MAGI2: variants seen among roughly 807,000 people sequenced by gnomAD.
MAGI2 encodes membrane associated guanylate kinase, WW and PDZ domain containing 2, also known as membrane-associated guanylate kinase, WW and PDZ domain-containing protein 2.
Under a neutral mutation model 133.3 loss-of-function variants are expected in MAGI2, and 35 were observed. That is an observed-to-expected ratio of 0.26 (90% CI 0.20 to 0.35). The LOEUF is 0.35. Among genes scored for constraint, MAGI2 ranks in the 10% least tolerant of loss-of-function variants. MAGI2 has a pLI of 1.00. For missense variants in MAGI2, 1,636 were observed against 1,863.4 expected (o/e 0.88, Z 2.25); for synonymous variants, 729 against 710.6 (o/e 1.03, Z -0.41).
At chr7:78,871,695 A>G (rs1010787047) in intron 2 of MAGI2, among the ~76,000 whole-genome samples, 8 of 152,162 alleles carry the variant, frequency 5.3e-5, no homozygotes, top group Admixed American at 5.2e-4. Flanking sequence ...TACCTAACTT[A>G]CGTAAGAGAG....
chr7:78,035,076 G>A (rs888760433), intron 21 of MAGI2: 2 of 152,582 alleles, frequency 1.3e-5, no homozygotes, highest in Non-Finnish European at 2.9e-5. Context: ...CAGGACTAAG[G>A]CGTCCACTGT....
intron 2 of MAGI2, among the ~76,000 whole-genome samples, chr7:78,977,735 A>C (rs1335180160): frequency 6.6e-6 from 1 of 151,754 alleles, no homozygotes; most frequent in Admixed American, 6.6e-5. Flanking sequence ...ACTGCTGAGG[A>C]TATAAAAATG....
chr7:78,573,302 T>TTTATATATATA (rs1801864449), intron 3 of MAGI2, among the ~76,000 whole-genome samples: 3 of 34,868 alleles, frequency 8.6e-5, no homozygotes, highest in African/African-American at 5.2e-4. Context: ...ATATATATAT[T>TTTATATATATA]TATATATATA....
intron 2 of MAGI2, among the ~76,000 whole-genome samples, chr7:79,003,681 C>T (rs1056978925): frequency 6.6e-6 from 1 of 152,190 alleles, no homozygotes; most frequent in Non-Finnish European, 1.5e-5. Context: ...CATGGACACA[C>T]TTCTACTGCA....
At chr7:78,638,210 A>G (rs1314096970) in intron 2 of MAGI2, among the ~76,000 whole-genome samples, 3 of 152,232 alleles carry the variant, frequency 2.0e-5, no homozygotes, top group Non-Finnish European at 4.4e-5. Context: ...TATATTTTCA[A>G]TTTTAAGGCT....
intron 2 of MAGI2, among the ~76,000 whole-genome samples, chr7:78,653,088 C>A (rs992149473): frequency 2.0e-5 from 3 of 152,112 alleles, no homozygotes; most frequent in Admixed American, 6.5e-5. Context: ...CAATGAGATA[C>A]CATCTCATGC....
chr7:78,928,892 G>C (rs1389515140), intron 2 of MAGI2, among the ~76,000 whole-genome samples: 2 of 152,008 alleles, frequency 1.3e-5, no homozygotes, highest in Non-Finnish European at 2.9e-5. Flanking sequence ...TTTTCCTCCT[G>C]TATTGAGGTC....
intron 9 of MAGI2, among the ~76,000 whole-genome samples, chr7:78,330,490 G>A (rs1479159957): frequency 1.1e-5 from 1 of 89,726 alleles, no homozygotes; most frequent in Non-Finnish European, 2.4e-5. Context: ...GGTGGCGGGC[G>A]CCTGTAGTCC....
At position 78,746,254 on chromosome 7, in the gene MAGI2, A is replaced by C. The variant is rs1316379957; in HGVS notation, c.419-119015T>G. Among the ~76,000 whole-genome samples, 3 of 152,340 alleles carry C rather than the reference A, an allele frequency of 2.0e-5. No homozygotes were observed. In the East Asian group the frequency reaches 5.8e-4, roughly 29 times the overall value. On this transcript the variant is annotated intron_variant, in intron 2 of 21. Transcript: ENST00000354212. ...TTTTGAAGAGCCAGCTCTCAGGCAG[A>C]AACTGAAATGATGAAGCTCAAAAGA...
intron 20 of MAGI2, among the ~76,000 whole-genome samples, chr7:78,119,557 C>CAAAAA (rs1166809821): frequency 1.2e-4 from 6 of 48,916 alleles, no homozygotes; most frequent in Non-Finnish European, 2.2e-4. Flanking sequence ...TGAGACTCCT[C>CAAAAA]AAAAAAAAAA....
At chr7:78,544,446 T>C (rs1479977303) in intron 3 of MAGI2, among the ~76,000 whole-genome samples, 1 of 152,206 alleles carries the variant, frequency 6.6e-6, no homozygotes, top group Non-Finnish European at 1.5e-5. Context: ...GTTTGTTACT[T>C]AATAGTTTGT....
intron 1 of MAGI2, among the ~76,000 whole-genome samples, chr7:79,235,203 C>A (rs1478402005): frequency 2.6e-5 from 4 of 152,158 alleles, no homozygotes; most frequent in Non-Finnish European, 4.4e-5. Flanking sequence ...TCAAAGCTGT[C>A]AGACAGGGAC....
intron 2 of MAGI2, among the ~76,000 whole-genome samples, chr7:78,695,161 G>A (rs1392017259): frequency 6.6e-6 from 1 of 151,814 alleles, no homozygotes; most frequent in Non-Finnish European, 1.5e-5. Flanking sequence ...GGAGGCAGAG[G>A]TTGCAGAGAG....
At chr7:79,216,633 T>G (rs1830055776) in intron 1 of MAGI2, among the ~76,000 whole-genome samples, 1 of 152,042 alleles carries the variant, frequency 6.6e-6, no homozygotes, top group Non-Finnish European at 1.5e-5. Context: ...CATAAAGGGT[T>G]TGAGCAGTGG....
At chr7:78,630,043 A>G (rs1254527424) in intron 2 of MAGI2, among the ~76,000 whole-genome samples, 1 of 152,030 alleles carries the variant, frequency 6.6e-6, no homozygotes, top group Admixed American at 6.6e-5. Context: ...AAGCAATTCT[A>G]TAAGACTTCT....
At chr7:79,123,864 G>A (rs12706007) in intron 1 of MAGI2, among the ~76,000 whole-genome samples, 96,577 of 149,398 alleles carry the variant, frequency 0.65, 36,126 homozygotes, top group Non-Finnish European at 0.84. Flanking sequence ...TCTATTTATT[G>A]AGCAGTCACT....
chr7:79,018,455 A>G (rs1808958520), intron 1 of MAGI2, among the ~76,000 whole-genome samples: 2 of 152,216 alleles, frequency 1.3e-5, no homozygotes, highest in South Asian at 4.1e-4. Flanking sequence ...ATTTAAGTAC[A>G]TAGACTAGTG....
intron 2 of MAGI2, among the ~76,000 whole-genome samples, chr7:78,735,655 T>C (rs1434470029): frequency 6.6e-6 from 1 of 152,202 alleles, no homozygotes; most frequent in Non-Finnish European, 1.5e-5. Context: ...CTTTGTGTGT[T>C]AGGTGAACTT....
chr7:79,107,143 G>T (rs1158744873), intron 1 of MAGI2, among the ~76,000 whole-genome samples: 1 of 152,124 alleles, frequency 6.6e-6, no homozygotes, highest in Non-Finnish European at 1.5e-5. Context: ...ATCCAGGTGG[G>T]CCCAGTCTAA....
Sources: gnomAD v4.1 joint callset for allele counts (sites outside exome capture counted in the v4.1 genomes callset) on GRCh38, gnomAD v4.1.1 for gene constraint, MANE v1.5 for transcripts, NCBI Gene and HGNC (gene_info 2026-07-23, HGNC 2026-07-21) for gene names.